Variants in CIMIP6 observed in about 807,000 individuals in gnomAD.
The protein encoded by CIMIP6 is ciliary microtubule inner protein 6, also known as uncharacterized protein C2orf73.
the CIMIP6 span, among the ~76,000 whole-genome samples, chr2:54,377,985 T>C: frequency 1.3e-5 from 2 of 152,172 alleles, no homozygotes; most frequent in Non-Finnish European, 2.9e-5. Flanking sequence ...AACAGGAGCT[T>C]AGTACATGTG....
the CIMIP6 span, among the ~76,000 whole-genome samples, chr2:54,347,852 T>C: frequency 2.0e-5 from 3 of 152,220 alleles, no homozygotes; most frequent in Admixed American, 1.3e-4. Context: ...GTGGCATTAA[T>C]TGGCTTAATT....
the CIMIP6 span, among the ~76,000 whole-genome samples, chr2:54,371,558 T>C: frequency 1.3e-5 from 2 of 152,242 alleles, no homozygotes; most frequent in East Asian, 1.9e-4. Context: ...CAAAGGCAGC[T>C]GTCTGGAGTT....
the CIMIP6 span, among the ~76,000 whole-genome samples, chr2:54,368,591 G>A: frequency 6.6e-6 from 1 of 152,328 alleles, no homozygotes; most frequent in South Asian, 2.1e-4. Context: ...TTACTTGGGG[G>A]CATTGAGCCA....
chr2:54,360,377 A>T, the CIMIP6 span: 1 of 1,609,708 alleles, frequency 6.2e-7, no homozygotes, highest in Non-Finnish European at 8.5e-7. Flanking sequence ...CTGCCAACAA[A>T]ATTCTCAGGA....
At chr2:54,350,984 G>A in the CIMIP6 span, among the ~76,000 whole-genome samples, 2 of 152,144 alleles carry the variant, frequency 1.3e-5, no homozygotes, top group Admixed American at 6.5e-5. Context: ...ATTTCAAAGA[G>A]AGCCTTTCTA....
the CIMIP6 span, among the ~76,000 whole-genome samples, chr2:54,367,339 C>A: frequency 6.6e-6 from 1 of 151,832 alleles, no homozygotes; most frequent in Non-Finnish European, 1.5e-5. Flanking sequence ...CTTCATTTGG[C>A]AAAATATATA....
chr2:54,382,687 T>C, the CIMIP6 span, among the ~76,000 whole-genome samples: 1 of 152,214 alleles, frequency 6.6e-6, no homozygotes, highest in Non-Finnish European at 1.5e-5. Flanking sequence ...TACCCCATAT[T>C]CCATTCTCCT....
the CIMIP6 span, among the ~76,000 whole-genome samples, chr2:54,357,706 A>G: frequency 1.3e-5 from 2 of 151,238 alleles, no homozygotes; most frequent in Non-Finnish European, 2.9e-5. Context: ...CCTCCTGAGT[A>G]GCTGGGACTA....
the CIMIP6 span, among the ~76,000 whole-genome samples, chr2:54,335,787 C>G: frequency 9.5e-3 from 1,444 of 152,306 alleles, 8 homozygotes; most frequent in Middle Eastern, 0.027. Context: ...TGTTGCCAGG[C>G]CTAGTTCTTT....
the CIMIP6 span, among the ~76,000 whole-genome samples, chr2:54,373,610 A>G: frequency 1.3e-5 from 2 of 152,062 alleles, no homozygotes; most frequent in Admixed American, 1.3e-4. Context: ...TCTTCACCCT[A>G]GTATAATTAG....
the CIMIP6 span, among the ~76,000 whole-genome samples, chr2:54,367,537 G>T: frequency 1.3e-5 from 2 of 152,016 alleles, no homozygotes; most frequent in African/African-American, 2.4e-5. Flanking sequence ...TGGTAATTGG[G>T]TATTTGTATT....
the CIMIP6 span, among the ~76,000 whole-genome samples, chr2:54,331,523 A>G: frequency 6.6e-6 from 1 of 151,870 alleles, no homozygotes; most frequent in Non-Finnish European, 1.5e-5. Flanking sequence ...CCAATGGCCT[A>G]TGGAGTCTAC....
At chr2:54,367,586 C>T in the CIMIP6 span, among the ~76,000 whole-genome samples, 1 of 151,998 alleles carries the variant, frequency 6.6e-6, no homozygotes, top group African/African-American at 2.4e-5. Context: ...AACCATTAGT[C>T]AGAATTGCTA....
chr2:54,358,537 G>A, the CIMIP6 span, among the ~76,000 whole-genome samples: 4 of 152,022 alleles, frequency 2.6e-5, no homozygotes, highest in African/African-American at 7.2e-5. Flanking sequence ...AAACAGCTGG[G>A]ATTATAGGCA....
At chr2:54,359,203 T>C in the CIMIP6 span, 1 of 642,336 alleles carries the variant, frequency 1.6e-6, no homozygotes, top group African/African-American at 1.9e-5. Flanking sequence ...TAGGATAGAA[T>C]GTTAGCCACA....
the CIMIP6 span, chr2:54,381,990 G>A: frequency 3.9e-6 from 6 of 1,532,248 alleles, no homozygotes; most frequent in African/African-American, 2.8e-5. Context: ...TTCACAGTAA[G>A]TATTAGCAGT....
the CIMIP6 span, among the ~76,000 whole-genome samples, chr2:54,378,049 A>G: frequency 5.9e-5 from 9 of 152,136 alleles, no homozygotes; most frequent in Non-Finnish European, 1.2e-4. Flanking sequence ...GGTGGGAGCT[A>G]TTTAGAGAGC....
chr2:54,333,916 T>C, the CIMIP6 span, among the ~76,000 whole-genome samples: 1 of 151,784 alleles, frequency 6.6e-6, no homozygotes, highest in East Asian at 1.9e-4. Flanking sequence ...AAAAATGATG[T>C]GGTAGAAGAG....
At chr2:54,358,430 A>T in the CIMIP6 span, among the ~76,000 whole-genome samples, 15 of 152,004 alleles carry the variant, frequency 9.9e-5, no homozygotes, top group Non-Finnish European at 1.9e-4. Flanking sequence ...ATGAGACAAG[A>T]TCTCTCTTTC....
Sources: gnomAD v4.1 joint callset for allele counts (sites outside exome capture counted in the v4.1 genomes callset) on GRCh38, gnomAD v4.1.1 for gene constraint, MANE v1.5 for transcripts, NCBI Gene and HGNC (gene_info 2026-07-23, HGNC 2026-07-21) for gene names.